RYR2: variants seen among roughly 807,000 people sequenced by gnomAD.
The protein encoded by RYR2 is cardiac muscle ryanodine receptor-calcium release channel.
A neutral mutation model predicts 601.1 loss-of-function variants in RYR2; 227 were observed. The ratio of observed to expected loss-of-function variants is 0.38; its 90% CI spans 0.34 to 0.42. The LOEUF is 0.42. RYR2 is among the 10% of genes least tolerant of loss of function. The pLI is 1.00. For synonymous variants in RYR2, 2,223 were observed against 2,175.1 expected (o/e 1.02, Z -0.61); for missense variants, 4,646 against 6,156.5 (o/e 0.75, Z 8.21).
chr1:237,633,475 A>C, intron 42 of RYR2, 103 bp from the exon 43 acceptor site: 4 of 1,398,572 alleles, frequency 2.9e-6, no homozygotes, highest in Non-Finnish European at 4.0e-6. Flanking sequence ...TGGCACACAC[A>C]TGGACACACG....
intron 1 of RYR2, among the ~76,000 whole-genome samples, chr1:237,055,922 C>T (rs1264589475): frequency 2.0e-5 from 3 of 152,094 alleles, no homozygotes; most frequent in African/African-American, 7.3e-5. Context: ...AGGGAGCACA[C>T]CTGTGAGGAC....
At chr1:237,485,434 G>A (rs1228262693) in intron 17 of RYR2, among the ~76,000 whole-genome samples, 1 of 152,138 alleles carries the variant, frequency 6.6e-6, no homozygotes, top group Non-Finnish European at 1.5e-5. Context: ...TGTAATGGGG[G>A]ATTGAAATGA....
At position 237,776,813 on chromosome 1, in the gene RYR2, T is replaced by A. The variant is rs529957125; in HGVS notation, c.11776-1853T>A. Among the ~76,000 whole-genome samples, 3 of 152,254 alleles carry A rather than the reference T, an allele frequency of 2.0e-5. No individual in the cohort carries two copies. The East Asian group carries it at 5.8e-4, about 29-fold the overall frequency. On this transcript the variant is annotated intron_variant, in intron 87 of 104. Transcript: ENST00000366574. ...TCTGGTGTGGTGTGTTGTATTTTTTTATCTAACGTGCGAGCCTGGCCCTCT... is the reference window on the plus strand; with the variant it reads ...TCTGGTGTGGTGTGTTGTATTTTTTAATCTAACGTGCGAGCCTGGCCCTCT...
intron 50 of RYR2, among the ~76,000 whole-genome samples, chr1:237,650,443 T>G (rs561130168): frequency 1.3e-5 from 2 of 152,332 alleles, no homozygotes; most frequent in East Asian, 1.9e-4. Flanking sequence ...CTGTGTTTGA[T>G]GATTTAACTC....
At chr1:237,313,726 T>C (rs1177894823) in intron 2 of RYR2, among the ~76,000 whole-genome samples, 4 of 152,210 alleles carry the variant, frequency 2.6e-5, no homozygotes, top group Admixed American at 1.3e-4. Flanking sequence ...ACTAGGTATG[T>C]AGGAAAAGAA....
Position 237,173,150 on chromosome 1 carries a change from T to C in RYR2, c.49-97347T>C, listed in dbSNP as rs376488712. On this transcript the variant is annotated intron_variant, in intron 1 of 104. Coordinates refer to ENST00000366574, the MANE Select transcript of RYR2 (RefSeq NM_001035.3). ...TGCAACCCAGGTGCCTTGATATAGA[T>C]GCTGTAGATACGACAAACTACTCTT... Among the ~76,000 whole-genome samples, 512 of 152,160 alleles carry C rather than the reference T, an allele frequency of 3.4e-3. 2 individuals are homozygous for C. Among genetic ancestry groups the C allele is most frequent in the African/African-American group, 0.012 (493 of 41,498 alleles).
chr1:237,042,192 G>T lies in RYR2; in HGVS notation c.-330G>T, dbSNP rs1476965185. On this transcript the variant is annotated 5_prime_UTR_variant, in exon 1 of 105. Transcript: ENST00000366574. ...CTCAGCTGGCTCCGCGCACTTGCTCGGAGGAGCCGGGGCCGAGCGGACCGC... is the reference window on the plus strand; with the variant it reads ...CTCAGCTGGCTCCGCGCACTTGCTCTGAGGAGCCGGGGCCGAGCGGACCGC... The T allele has an allele frequency of 6.5e-6, 1 of 153,154 alleles. No individual in the cohort carries two copies. The highest frequency in any genetic ancestry group is 1.4e-5 in the Non-Finnish European group (1 of 69,962). 9.5% of individuals were successfully genotyped at this position (153,154 alleles called of 1,614,324 possible).
chr1:237,710,349 T>A lies in RYR2; in HGVS notation c.10230+782T>A, dbSNP rs1051531899. ...AACCTCAGTTTTATCATCTGAGATA[T>A]CTTACCAGTTTACTTAATCAGACTG... On this transcript the variant is annotated intron_variant, in intron 70 of 104. Transcript: ENST00000366574. Among the ~76,000 whole-genome samples the A allele has an allele frequency of 9.8e-5, 15 of 152,302 alleles. 2 individuals carry two copies. In the Middle Eastern group the frequency reaches 0.02, roughly 207 times the overall value.
At chr1:237,322,925 G>A (rs559388200) in intron 2 of RYR2, among the ~76,000 whole-genome samples, 1 of 151,562 alleles carries the variant, frequency 6.6e-6, no homozygotes, top group Admixed American at 6.6e-5. Flanking sequence ...TTCGTGGCTA[G>A]AGGAACTGCA....
chr1:237,430,985 G>A (rs1228229082), intron 12 of RYR2, among the ~76,000 whole-genome samples: 1 of 152,256 alleles, frequency 6.6e-6, no homozygotes, highest in Admixed American at 6.5e-5. Flanking sequence ...TAGAGAGGCC[G>A]AAGAGCCCAA....
rs79237281 is a variant in RYR2 at position 237,769,045 on chromosome 1, A to G, written c.11477-1762A>G. ...TTAGGTACACAGGTAGATTATATTTATTTCAGTGTTTTTCTGAATACTTTC... is the reference window on the plus strand; with the variant it reads ...TTAGGTACACAGGTAGATTATATTTGTTTCAGTGTTTTTCTGAATACTTTC... On this transcript the variant is annotated intron_variant, in intron 84 of 104. Coordinates refer to ENST00000366574, the MANE Select transcript of RYR2 (RefSeq NM_001035.3). Among the ~76,000 whole-genome samples the G allele has an allele frequency of 7.2e-4, 110 of 152,258 alleles. 1 individual carries two copies. The East Asian group carries it at 0.02, about 28-fold the overall frequency.
intron 1 of RYR2, among the ~76,000 whole-genome samples, chr1:237,057,275 T>C (rs1233579512): frequency 6.6e-6 from 1 of 151,924 alleles, no homozygotes; most frequent in East Asian, 1.9e-4. Context: ...AAGCTCCACC[T>C]CCCGGGTTCA....
intron 1 of RYR2, among the ~76,000 whole-genome samples, chr1:237,213,897 A>ATCTT (rs1170293581): frequency 1.2e-5 from 1 of 81,490 alleles, no homozygotes; most frequent in African/African-American, 4.5e-5. Flanking sequence ...CCCATTTATT[A>ATCTT]TCTTTTTTTT....
At chr1:237,264,095 A>G (rs1688799989) in intron 1 of RYR2, among the ~76,000 whole-genome samples, 2 of 150,744 alleles carry the variant, frequency 1.3e-5, no homozygotes, top group South Asian at 4.2e-4. Flanking sequence ...GCACATGCAC[A>G]CACACACACA....
At chr1:237,298,513 C>G (rs548195880) in intron 2 of RYR2, among the ~76,000 whole-genome samples, 1 of 151,442 alleles carries the variant, frequency 6.6e-6, no homozygotes, top group East Asian at 1.9e-4. Context: ...TCAAATTATT[C>G]TAAATTCTTT....
At chr1:237,573,895 C>T (rs1012730622) in intron 29 of RYR2, among the ~76,000 whole-genome samples, 2 of 152,010 alleles carry the variant, frequency 1.3e-5, no homozygotes, top group Non-Finnish European at 2.9e-5. Context: ...ACTGCAGCAG[C>T]CCTCAGGAAA....
At position 237,504,343 on chromosome 1, in the gene RYR2, G is replaced by A. The variant is rs530258758; in HGVS notation, c.2613+838G>A. 6.6e-5 allele frequency among the ~76,000 whole-genome samples: 10 copies of A among 152,076 alleles called. 1 individual carries two copies. The highest frequency in any genetic ancestry group is 2.0e-4 in the Admixed American group (3 of 15,284). On this transcript the variant is annotated intron_variant, in intron 22 of 104. Transcript: ENST00000366574. ...AGTGAAGTTAAGAGCAATATTTTGC[G>A]GGCAGGGGTGGATCTCACAAAGTAC...
chr1:237,401,662 A>C (rs1368945413), intron 10 of RYR2, among the ~76,000 whole-genome samples: 1 of 152,164 alleles, frequency 6.6e-6, no homozygotes, highest in African/African-American at 2.4e-5. Flanking sequence ...CAGTGCCCAG[A>C]ATGTTTGAGT....
intron 2 of RYR2, among the ~76,000 whole-genome samples, chr1:237,273,770 G>T (rs1689950255): frequency 6.6e-6 from 1 of 150,748 alleles, no homozygotes; most frequent in South Asian, 2.1e-4. Flanking sequence ...AAAAGAGAAG[G>T]TCTTAAGAAT....
Sources: allele counts gnomAD v4.1 joint callset (sites outside exome capture counted in the v4.1 genomes callset), GRCh38; gene constraint gnomAD v4.1.1; transcripts MANE v1.5; gene names NCBI Gene and HGNC (gene_info 2026-07-23, HGNC 2026-07-21).